The following RORB variants were observed in gnomAD, a reference collection of about 807,000 sequenced individuals.
RORB encodes nuclear receptor ROR-beta.
A neutral mutation model predicts 59.1 loss-of-function variants in RORB; 6 were observed. The observed-to-expected ratio is 0.10, with a 90% CI of 0.06 to 0.20. The LOEUF (loss-of-function observed/expected upper bound fraction) is 0.20, where lower values mean the gene tolerates loss of function less well. RORB is among the 10% of genes least tolerant of loss of function. RORB has a pLI of 1.00. For synonymous variants in RORB, 215 were observed against 204.5 expected, an observed-to-expected ratio of 1.05 and a Z score of -0.44; for missense variants, 320 against 560.5, an observed-to-expected ratio of 0.57 and a Z score of 4.33.
chr9:74,662,503 C>T lies in RORB; in HGVS notation c.789C>T (p.Ala263=), dbSNP rs952397241. The stretch of plus-strand genomic sequence containing the variant: ...GGGAAGCACTGTGGCAACAATGTGC[C>T]ATCCAGATCACTCACGCCATCCAAT... ...KSREALWQQC[A]IQITHAIQYV... is the part of the protein sequence containing the mutation. Residue 263 remains alanine (A), a synonymous_variant, in exon 6 of 10, where the codon GCC becomes GCT. Coordinates refer to ENST00000376896, the MANE Select transcript of RORB (RefSeq NM_006914.4). 1.2e-6 allele frequency: 2 copies of T among 1,614,052 alleles called. No homozygotes were observed. Among genetic ancestry groups the T allele is most frequent in the Non-Finnish European group, 1.7e-6 (2 of 1,179,936 alleles).
intron 6 of RORB, among the ~76,000 whole-genome samples, chr9:74,662,945 A>G (rs1824213536): frequency 6.6e-6 from 1 of 152,044 alleles, no homozygotes; most frequent in Non-Finnish European, 1.5e-5. Flanking sequence ...GTGAAAGGAA[A>G]AAAAAAAAAT....
intron 1 of RORB, among the ~76,000 whole-genome samples, chr9:74,602,333 T>G (rs1211188331): frequency 1.3e-5 from 2 of 152,202 alleles, no homozygotes; most frequent in African/African-American, 4.8e-5. Context: ...AAGCAATGAC[T>G]AAATGAATGA....
intron 1 of RORB, among the ~76,000 whole-genome samples, chr9:74,532,510 A>C (rs2118100892): frequency 6.6e-6 from 1 of 151,960 alleles, no homozygotes; most frequent in African/African-American, 2.4e-5. Flanking sequence ...TAGGAGTAAA[A>C]TTCTTGTCTT....
intron 8 of RORB, among the ~76,000 whole-genome samples, chr9:74,668,957 A>G (rs985111667): frequency 6.6e-6 from 1 of 152,178 alleles, no homozygotes; most frequent in African/African-American, 2.4e-5. Context: ...TCAGACATGG[A>G]GGTGGACATT....
chr9:74,690,354 G>A lies in RORB; in HGVS notation c.*4736G>A, dbSNP rs982321779. On this transcript the variant is annotated 3_prime_UTR_variant, in exon 10 of 10. Transcript: ENST00000376896. ...ATTCGAAAGCCTAAAAGGGCCAGGG[G>A]GCTTAATGCAAATGGGTGAAGCAGC... The A allele has an allele frequency of 4.6e-5, 7 of 152,318 alleles. No homozygotes were observed. Among genetic ancestry groups the A allele is most frequent in the Non-Finnish European group, 8.8e-5 (6 of 68,068 alleles). 9.4% of individuals were successfully genotyped at this position (152,318 alleles called of 1,614,324 possible). A position where few individuals can be genotyped will look rare whatever the true frequency, so the allele number is the denominator to read the frequency against.
At chr9:74,568,493 A>T (rs796286245) in intron 1 of RORB, among the ~76,000 whole-genome samples, 4 of 152,098 alleles carry the variant, frequency 2.6e-5, no homozygotes, top group African/African-American at 9.6e-5. Flanking sequence ...TGAGGTCAGG[A>T]GTTCAAGACC....
At chr9:74,602,552 C>T (rs539342083) in intron 1 of RORB, among the ~76,000 whole-genome samples, 1 of 152,292 alleles carries the variant, frequency 6.6e-6, no homozygotes, top group Admixed American at 6.5e-5. Flanking sequence ...AAGTGACGAT[C>T]CGTCCTTGGC....
rs556169489 is a variant in RORB at position 74,598,495 on chromosome 9, T to A, written c.8-31787T>A. Among the ~76,000 whole-genome samples, 21 of 152,328 alleles carry A rather than the reference T, an allele frequency of 1.4e-4. No individual in the cohort carries two copies. The East Asian group carries it at 3.1e-3, about 22-fold the overall frequency. ...AGCTGTACTTTTTTAAATTTTTTTT[T>A]AAATTATATATTGACAAAGTATAGT... On this transcript the variant is annotated intron_variant, in intron 1 of 9. Coordinates refer to ENST00000376896, the MANE Select transcript of RORB (RefSeq NM_006914.4).
At chr9:74,667,997 CT>C in intron 8 of RORB, 96 bp downstream of exon 8, 1 of 738,142 alleles carries the variant, frequency 1.4e-6, no homozygotes, top group Non-Finnish European at 2.4e-6. Context: ...TCAGGAGAAA[CT>C]TTAACAGAGC....
chr9:74,633,872 T>C (rs546931106), intron 2 of RORB, among the ~76,000 whole-genome samples: 2 of 152,184 alleles, frequency 1.3e-5, no homozygotes, highest in South Asian at 2.1e-4. Context: ...TTATATATAA[T>C]ATTTTCTTTT....
chr9:74,530,706 A>G (rs1415794424), intron 1 of RORB, among the ~76,000 whole-genome samples: 1 of 151,916 alleles, frequency 6.6e-6, no homozygotes, highest in Admixed American at 6.6e-5. Context: ...TTATTTCCCA[A>G]TGACTAATTG....
chr9:74,613,193 C>T (rs940445255), intron 1 of RORB, among the ~76,000 whole-genome samples: 8 of 152,170 alleles, frequency 5.3e-5, no homozygotes, highest in African/African-American at 1.9e-4. Context: ...GTGTTTCAGA[C>T]ACAATATTAA....
At chr9:74,631,261 A>G (rs186149115) in intron 2 of RORB, among the ~76,000 whole-genome samples, 113 of 152,366 alleles carry the variant, frequency 7.4e-4, no homozygotes, top group African/African-American at 2.6e-3. Context: ...GCCAGGGGAA[A>G]TCAAAACAGT....
chr9:74,557,304 G>C (rs1330115051), intron 1 of RORB, among the ~76,000 whole-genome samples: 1 of 152,066 alleles, frequency 6.6e-6, no homozygotes, highest in Non-Finnish European at 1.5e-5. Flanking sequence ...AGCTACTCCT[G>C]CCCCTCCACA....
At chr9:74,553,205 T>C (rs934185285) in intron 1 of RORB, among the ~76,000 whole-genome samples, 1 of 152,120 alleles carries the variant, frequency 6.6e-6, no homozygotes, top group Non-Finnish European at 1.5e-5. Flanking sequence ...CGGGAGCAGA[T>C]GGGTTTTAAC....
intron 4 of RORB, 23 bp downstream of exon 4, chr9:74,642,838 T>C: frequency 6.5e-7 from 1 of 1,535,466 alleles, no homozygotes; most frequent in Non-Finnish European, 8.8e-7. Flanking sequence ...CTCCTCCCAG[T>C]GGCTTTTTTT....
chr9:74,582,003 G>A (rs552007332), intron 1 of RORB, among the ~76,000 whole-genome samples: 55 of 152,212 alleles, frequency 3.6e-4, no homozygotes, highest in African/African-American at 1.3e-3. Flanking sequence ...GTATCAATCA[G>A]TTCAAAGAAA....
intron 1 of RORB, among the ~76,000 whole-genome samples, chr9:74,567,794 G>A (rs932801468): frequency 3.3e-5 from 5 of 152,142 alleles, no homozygotes; most frequent in Non-Finnish European, 5.9e-5. Flanking sequence ...CTCTCTGAGC[G>A]AGTGGTTCCT....
chr9:74,630,424 A>C, intron 2 of RORB, 57 bp downstream of exon 2: 4 of 1,306,976 alleles, frequency 3.1e-6, no homozygotes, highest in Non-Finnish European at 3.2e-6. Flanking sequence ...TGTGTACCTC[A>C]CAAGATGCGG....
Sources: gnomAD v4.1 joint callset for allele counts (sites outside exome capture counted in the v4.1 genomes callset) on GRCh38, gnomAD v4.1.1 for gene constraint, MANE v1.5 for transcripts, NCBI Gene and HGNC (gene_info 2026-07-23, HGNC 2026-07-21) for gene names.